Variants in MPPED2 observed in about 807,000 individuals in gnomAD.
MPPED2 encodes metallophosphoesterase domain containing 2, also known as metallophosphoesterase MPPED2.
Under a neutral mutation model 33.0 loss-of-function variants are expected in MPPED2, and 5 were observed. The observed-to-expected ratio is 0.15, with a 90% CI of 0.08 to 0.32. The LOEUF (loss-of-function observed/expected upper bound fraction) is 0.32, where lower values mean the gene tolerates loss of function less well. MPPED2 is among the 10% of genes least tolerant of loss of function. The pLI is 1.00. For synonymous variants in MPPED2, 136 were observed against 141.9 expected (o/e 0.96, Z 0.29); for missense variants, 275 against 372.1 (o/e 0.74, Z 2.15).
At chr11:30,448,975 C>CGTGCTCT (rs1356439493) in intron 4 of MPPED2, among the ~76,000 whole-genome samples, 15 of 152,188 alleles carry the variant, frequency 9.9e-5, no homozygotes, top group African/African-American at 3.6e-4. Context: ...TTTTTAACCA[C>CGTGCTCT]ATGCTGTATG....
intron 3 of MPPED2, among the ~76,000 whole-genome samples, chr11:30,519,900 A>G (rs542729369): frequency 3.9e-5 from 6 of 152,332 alleles, no homozygotes; most frequent in Non-Finnish European, 2.9e-5. Flanking sequence ...TCAAACGACT[A>G]GGGAATAGGA....
chr11:30,451,850 G>C (rs1244223905), intron 4 of MPPED2: 3 of 984,990 alleles, frequency 3.0e-6, no homozygotes, highest in Non-Finnish European at 3.6e-6. Flanking sequence ...AAGTCAGCTG[G>C]AGATCTGGAG....
rs1590168520 is a variant in MPPED2, at chr11:30,410,610, C to T, written c.*858G>A. The T allele has an allele frequency of 1.0e-6, 1 of 985,776 alleles. No homozygotes were observed. Among genetic ancestry groups the T allele is most frequent in the East Asian group, 1.1e-4 (1 of 8,810 alleles). 61.1% of individuals were successfully genotyped at this position (985,776 alleles called of 1,614,324 possible). On this transcript the variant is annotated 3_prime_UTR_variant, in exon 7 of 7. Transcript: ENST00000358117. ...TGAGCTCTGAGAGAATGTGTCAGTT[C>T]CTTCCGACTTCTGATGTGTTGCTAT...
intron 4 of MPPED2, among the ~76,000 whole-genome samples, chr11:30,454,705 C>T (rs865970390): frequency 1.3e-5 from 2 of 152,240 alleles, no homozygotes; most frequent in Middle Eastern, 3.4e-3. Context: ...ATATATGCAG[C>T]TCACCCTTCT....
intron 6 of MPPED2, among the ~76,000 whole-genome samples, chr11:30,390,687 T>C (rs1947762035): frequency 1.3e-5 from 2 of 152,334 alleles, no homozygotes; most frequent in South Asian, 2.1e-4. Context: ...CAACAACTTA[T>C]TGTTATATCT....
chr11:30,416,100 T>A (rs192870070), intron 5 of MPPED2, among the ~76,000 whole-genome samples: 2 of 152,378 alleles, frequency 1.3e-5, no homozygotes, highest in Non-Finnish European at 2.9e-5. Context: ...TATGACTTGA[T>A]AAAGGTTGTT....
At chr11:30,454,998 TG>T (rs1433459356) in intron 4 of MPPED2, among the ~76,000 whole-genome samples, 2 of 152,242 alleles carry the variant, frequency 1.3e-5, no homozygotes, top group Non-Finnish European at 2.9e-5. Context: ...ATTTAGATCC[TG>T]CCTGGATTTT....
intron 2 of MPPED2, among the ~76,000 whole-genome samples, chr11:30,552,183 C>T (rs944729350): frequency 6.6e-6 from 1 of 152,182 alleles, no homozygotes; most frequent in African/African-American, 2.4e-5. Flanking sequence ...CTCAGTACTC[C>T]TATCAGATAG....
intron 3 of MPPED2, among the ~76,000 whole-genome samples, chr11:30,505,717 TAA>T: frequency 6.6e-6 from 1 of 152,274 alleles, no homozygotes; most frequent in South Asian, 2.1e-4. Context: ...GAAAAATTGG[TAA>T]AGACATTGTC....
At chr11:30,443,177 T>C (rs1353582506) in intron 4 of MPPED2, among the ~76,000 whole-genome samples, 1 of 152,062 alleles carries the variant, frequency 6.6e-6, no homozygotes, top group Non-Finnish European at 1.5e-5. Context: ...AAATGCTACT[T>C]TAAAAAAATA....
At chr11:30,388,872 T>C (rs1238432048) in exon 7 of MPPED2, 2 of 1,548,532 alleles carry the variant, frequency 1.3e-6, no homozygotes, top group Non-Finnish European at 1.7e-6. Flanking sequence ...ATTGTGTCTA[T>C]GCCAGTTTCC....
chr11:30,547,385 A>C (rs1955477985), intron 2 of MPPED2, among the ~76,000 whole-genome samples: 1 of 152,240 alleles, frequency 6.6e-6, no homozygotes, highest in African/African-American at 2.4e-5. Context: ...AATATTTAGC[A>C]GTATTTACTA....
chr11:30,550,087 C>G (rs898045251), intron 2 of MPPED2, among the ~76,000 whole-genome samples: 1 of 152,140 alleles, frequency 6.6e-6, no homozygotes, highest in South Asian at 2.1e-4. Context: ...GGCAATGCCC[C>G]CCAATGTCCA....
At chr11:30,437,330 C>T (rs1257166957) in intron 4 of MPPED2, among the ~76,000 whole-genome samples, 4 of 152,106 alleles carry the variant, frequency 2.6e-5, no homozygotes, top group South Asian at 2.1e-4. Flanking sequence ...TTTGCAAATA[C>T]GTAAAAGTAT....
chr11:30,483,058 T>C (rs1031551716), intron 4 of MPPED2, among the ~76,000 whole-genome samples: 5 of 152,192 alleles, frequency 3.3e-5, no homozygotes, highest in Admixed American at 1.3e-4. Context: ...TCGTCTCTCA[T>C]GGGCCTGCCT....
intron 5 of MPPED2, among the ~76,000 whole-genome samples, chr11:30,415,501 C>T (rs1948308982): frequency 6.6e-6 from 1 of 152,218 alleles, no homozygotes; most frequent in Non-Finnish European, 1.5e-5. Flanking sequence ...GCATCCCTCA[C>T]CAGCAGGAAG....
intron 6 of MPPED2, among the ~76,000 whole-genome samples, chr11:30,395,522 C>A (rs1947829135): frequency 6.6e-6 from 1 of 152,156 alleles, no homozygotes. Flanking sequence ...GGATGCTCTG[C>A]ATGGATTCAA....
In MPPED2 at chr11:30,447,122, G is replaced by T. The variant is rs144991614; in HGVS notation, c.537-29489C>A. 1.7e-3 allele frequency among the ~76,000 whole-genome samples: 258 copies of T among 152,302 alleles called. 1 individual carries two copies. Among genetic ancestry groups the T allele is most frequent in the African/African-American group, 6.0e-3 (248 of 41,578 alleles). On this transcript the variant is annotated intron_variant, in intron 4 of 6. Transcript: ENST00000358117. ...GAGAGATCATTCAGGTAGACAGGCG[G>T]CTGTTTGTCAGGTGGGTTCTCCCCT...
At chr11:30,407,959 TA>T (rs1166175219), downstream of MPPED2, among the ~76,000 whole-genome samples, 1 of 152,156 alleles carries the variant, frequency 6.6e-6, no homozygotes, top group African/African-American at 2.4e-5. Context: ...CTGGGGAATC[TA>T]AAGACAAAGC....
Sources: gnomAD v4.1 joint callset for allele counts (sites outside exome capture counted in the v4.1 genomes callset) on GRCh38, gnomAD v4.1.1 for gene constraint, MANE v1.5 for transcripts, NCBI Gene and HGNC (gene_info 2026-07-23, HGNC 2026-07-21) for gene names.